Variants in USP6 observed in about 807,000 individuals in gnomAD.
USP6 encodes the protein ubiquitin specific peptidase 6.
USP6 carries 128 observed loss-of-function variants against 175.7 expected under a neutral mutation model. That is an observed-to-expected ratio of 0.73 (90% confidence interval 0.63 to 0.84). USP6 has a LOEUF of 0.84. Among genes scored for constraint, USP6 ranks in the 40% least tolerant of loss-of-function variants. The pLI, the probability that USP6 is intolerant of heterozygous loss-of-function variation, is 0.00. For missense variants in USP6, 1,498 were observed against 1,760.3 expected (o/e 0.85, Z 2.67); for synonymous variants, 562 against 630.6 (o/e 0.89, Z 1.63).
In USP6 at chr17:5,139,524, G is replaced by T; in HGVS notation, c.1348G>T (p.Glu450Ter). Reference sequence around the variant, plus strand: ...ACCTCAGGGTTCCTGGAGATTCCTGGAGTGGAAGTCAATGCCCCGGCTCCC... The same window carrying T: ...ACCTCAGGGTTCCTGGAGATTCCTGTAGTGGAAGTCAATGCCCCGGCTCCC... ...GGPQGSWRFL[E>*]WKSMPRLPTD... Residue 450 changes from glutamate to a stop codon, truncating the protein, a stop_gained, in exon 22 of 38, where the codon GAG (glutamate) becomes TAG (stop). Transcript: ENST00000574788. LOFTEE classifies it high-confidence loss of function. 1.2e-6 allele frequency: 2 copies of T among 1,613,832 alleles called. No homozygotes were observed. Among genetic ancestry groups the T allele is most frequent in the Non-Finnish European group, 1.7e-6 (2 of 1,180,036 alleles).
rs753729489 is a variant in USP6, at chr17:5,161,628, C to T, written c.2915+14C>T. 5.0e-6 allele frequency: 8 copies of T among 1,610,852 alleles called. No individual in the cohort carries two copies. The Admixed American group carries it at 1.0e-4, about 20-fold the overall frequency. ...CCCACAGTATAGGTAAAGTGACCTG[C>T]AAAAGAATTACTTTAGTAGAATTTC... On this transcript the variant is annotated intron_variant, in intron 32 of 37. Transcript: ENST00000574788.
chr17:5,128,687 C>T (rs1016377342), intron 7 of USP6: 7 of 152,728 alleles, frequency 4.6e-5, no homozygotes, highest in Non-Finnish European at 5.9e-5. Context: ...GGCATGTTGA[C>T]GCCTCAGGCA....
At chr17:5,137,483 C>A (rs1056018999) in intron 19 of USP6, among the ~76,000 whole-genome samples, 168 bp from the exon 20 acceptor site, 3 of 152,220 alleles carry the variant, frequency 2.0e-5, no homozygotes, top group African/African-American at 7.2e-5. Flanking sequence ...ATGAGTACCC[C>A]CCCATGAGAA....
intron 30 of USP6, among the ~76,000 whole-genome samples, chr17:5,150,500 T>TC (rs1351943135): frequency 1.4e-5 from 2 of 144,426 alleles, no homozygotes; most frequent in African/African-American, 5.0e-5. Flanking sequence ...AAATATATCT[T>TC]TTTTTTTTTT....
chr17:5,120,258 G>A (rs745433675), intron 2 of USP6, among the ~76,000 whole-genome samples: 25 of 152,130 alleles, frequency 1.6e-4, no homozygotes, highest in Non-Finnish European at 2.5e-4. Flanking sequence ...TGCCTGTGCT[G>A]TGGGGTTGGT....
chr17:5,137,649 A>C lies in USP6; in HGVS notation c.826-2A>C. The C allele has an allele frequency of 1.9e-6, 3 of 1,603,902 alleles. No individual in the cohort carries two copies. Among genetic ancestry groups the C allele is most frequent in the Non-Finnish European group, 2.6e-6 (3 of 1,173,516 alleles). ...GTTCTCTCATACCTGCTGTCCCCAC[A>C]GATCTCTCTCGGGCTCACCCTGCGC... On this transcript the variant is annotated splice_acceptor_variant, in intron 19 of 37. Transcript: ENST00000574788. LOFTEE classifies it high-confidence loss of function.
At position 5,120,731 on chromosome 17, in the gene USP6, G is replaced by A. The variant is rs2072634885; in HGVS notation, c.-1732G>A. 2.3e-6 allele frequency: 1 copy of A among 435,832 alleles called. No individual in the cohort carries two copies. The highest frequency in any genetic ancestry group is 1.7e-5 in the South Asian group (1 of 60,000). 27.0% of individuals were successfully genotyped at this position (435,832 alleles called of 1,614,324 possible). A position where few individuals can be genotyped will look rare whatever the true frequency, so the allele number is the denominator to read the frequency against. On this transcript the variant is annotated 5_prime_UTR_variant, in exon 3 of 38. Transcript: ENST00000574788. ...GGATCCTGAATGAGATGCATGACCA[G>A]GACAAGAAATTGGTGGAGAAGAGCT...
At chr17:5,135,723 C>G (rs527919857) in intron 16 of USP6, 85 bp from the exon 17 acceptor site, 2 of 1,596,494 alleles carry the variant, frequency 1.3e-6, no homozygotes, top group African/African-American at 1.3e-5. Context: ...CCAGTCACCT[C>G]TGCCCTCTCC....
chr17:5,134,299 C>T (rs2143867338), intron 15 of USP6: 2 of 366,640 alleles, frequency 5.5e-6, no homozygotes, highest in South Asian at 3.0e-5. Flanking sequence ...GTAGGACCCA[C>T]AGGAGGGTGG....
chr17:5,139,447 C>T lies in USP6; in HGVS notation c.1271C>T (p.Thr424Met), dbSNP rs114887037. 2,135 of 1,613,146 alleles carry T rather than the reference C, an allele frequency of 1.3e-3. 26 individuals are homozygous for T. The African/African-American group carries it at 0.025, about 19-fold the overall frequency. Residue 424 changes from threonine to methionine, a missense_variant, in exon 22 of 38, where the codon ACG becomes ATG. Around this residue, in one of 2 missense-constraint regions of USP6, gnomAD observed 1,217 missense variants for 1,500.8 expected, o/e 0.81. Coordinates refer to ENST00000574788, the MANE Select transcript of USP6 (RefSeq NM_001304284.2). ...CCTGGTGGGGCTGTCCGGGAAGACA[C>T]GTACCCTGTGGGCACTCAGGGTGTG... The part of the protein sequence containing the change: ...PCPGGAVRED[T>M]YPVGTQGVPS...
intron 25 of USP6, among the ~76,000 whole-genome samples, chr17:5,143,165 G>C (rs887186883): frequency 1.3e-5 from 2 of 152,136 alleles, no homozygotes; most frequent in African/African-American, 2.4e-5. Flanking sequence ...CAGCCGCCCC[G>C]TCCGGGAGGT....
chr17:5,161,763 C>A, intron 32 of USP6, 149 bp downstream of exon 32: 2 of 942,538 alleles, frequency 2.1e-6, no homozygotes, highest in Non-Finnish European at 3.1e-6. Flanking sequence ...GGCCTGTAAT[C>A]CCATCACTTT....
At chr17:5,160,624 T>C (rs989563515) in intron 31 of USP6, among the ~76,000 whole-genome samples, 5 of 152,218 alleles carry the variant, frequency 3.3e-5, no homozygotes, top group African/African-American at 1.2e-4. Context: ...ATCCAGTCTG[T>C]TGTTGTTGGA....
chr17:5,146,225 AT>A (rs759479843), intron 28 of USP6, 51 bp downstream of exon 28: 4 of 1,522,774 alleles, frequency 2.6e-6, no homozygotes, highest in African/African-American at 1.4e-5. Context: ...CAAAGATGAC[AT>A]TTTTCTCAAT....
At chr17:5,131,545 A>G (rs1402133761) in intron 11 of USP6, among the ~76,000 whole-genome samples, 3 of 149,960 alleles carry the variant, frequency 2.0e-5, no homozygotes, top group African/African-American at 7.4e-5. Context: ...CCATGTCCTT[A>G]TATCTACAGC....
chr17:5,167,793 C>A, intron 33 of USP6, 139 bp from the exon 34 acceptor site: 1 of 1,078,808 alleles, frequency 9.3e-7, no homozygotes, highest in Non-Finnish European at 1.3e-6. Flanking sequence ...CCTGAGCCAT[C>A]ATACCCAGCC....
At position 5,140,444 on chromosome 17, in the gene USP6, G is replaced by A. The variant is rs1271055753; in HGVS notation, c.1498+770G>A. Among the ~76,000 whole-genome samples, 3 of 152,276 alleles carry A rather than the reference G, an allele frequency of 2.0e-5. No individual in the cohort carries two copies. In the East Asian group the frequency reaches 5.8e-4, roughly 29 times the overall value. On this transcript the variant is annotated intron_variant, in intron 22 of 37. Coordinates refer to ENST00000574788, the MANE Select transcript of USP6 (RefSeq NM_001304284.2). ...AGAAATTAGCCAGGCATGGTGGCATGTGCCTATAGTCCCACCTAGTCAGGA... is the reference window on the plus strand; with the variant it reads ...AGAAATTAGCCAGGCATGGTGGCATATGCCTATAGTCCCACCTAGTCAGGA...
intron 4 of USP6, among the ~76,000 whole-genome samples, chr17:5,122,504 C>T (rs149059480): frequency 0.014 from 2,182 of 152,372 alleles, 23 homozygotes; most frequent in South Asian, 0.039. Context: ...AAAGGACAAG[C>T]GGCCCGGCGG....
intron 34 of USP6, 90 bp from the exon 35 acceptor site, chr17:5,168,673 CCAAA>C: frequency 1.4e-6 from 2 of 1,435,002 alleles, no homozygotes; most frequent in Non-Finnish European, 1.9e-6. Context: ...TTATATATTT[CCAAA>C]CATTCACATG....
Sources: gnomAD v4.1 joint callset for allele counts (sites outside exome capture counted in the v4.1 genomes callset) on GRCh38, gnomAD v4.1.1 for gene constraint, gnomAD v4.1.1 regional missense constraint, MANE v1.5 for transcripts, NCBI Gene and HGNC (gene_info 2026-07-23, HGNC 2026-07-21) for gene names.